SETX: variants seen among roughly 807,000 people sequenced by gnomAD.
SETX encodes the protein helicase senataxin.
In SETX, 90 loss-of-function variants were observed where a neutral mutation model predicts 227.2. That is an observed-to-expected ratio of 0.40 (90% CI 0.33 to 0.47). SETX has a LOEUF of 0.47. SETX is among the 20% of genes least tolerant of loss of function. The pLI is 0.91. For missense variants in SETX, 3,052 were observed against 3,181.5 expected (o/e 0.96, Z 0.98); for synonymous variants, 1,210 against 1,113.2 (o/e 1.09, Z -1.73).
Position 132,326,509 on chromosome 9 carries a change from C to T in SETX, c.5089G>A (p.Val1697Ile). The T allele has an allele frequency of 6.2e-7, 1 of 1,614,140 alleles. No individual in the cohort carries two copies. The highest frequency in any genetic ancestry group is 8.5e-7 in the Non-Finnish European group (1 of 1,180,032). Reference protein sequence around the residue: ...PVNILLSSQSVSDTFVKEVLK... With the variant: ...PVNILLSSQSISDTFVKEVLK... ...ACCTCTTTAACGAAGGTGTCAGAGA[C>T]AGACTGTGATGACAAAAGAATGTTT... The change falls in exon 10 of 26, where the codon GTC (valine) becomes ATC (isoleucine). Residue 1697 changes from valine (V) to isoleucine (I), a missense_variant. Val to Ile is a conservative substitution (Grantham distance 29, BLOSUM62 3). Transcript: ENST00000224140.
At chr9:132,268,581 C>A (rs975484399) in intron 25 of SETX, among the ~76,000 whole-genome samples, 9 of 151,968 alleles carry the variant, frequency 5.9e-5, no homozygotes, top group African/African-American at 2.2e-4. Flanking sequence ...AAGAGATTAC[C>A]CCAGTGAATC....
intron 25 of SETX, among the ~76,000 whole-genome samples, chr9:132,267,754 C>T (rs766040032): frequency 5.9e-5 from 9 of 152,220 alleles, no homozygotes; most frequent in African/African-American, 1.2e-4. Flanking sequence ...ACTGTCTAAA[C>T]GGAATGTGAA....
rs769895120 is a variant in SETX, at chr9:132,346,465, A to C, written c.184T>G (p.Trp62Gly). 5.6e-6 allele frequency: 9 copies of C among 1,608,154 alleles called. No individual in the cohort carries two copies. Among genetic ancestry groups the C allele is most frequent in the Non-Finnish European group, 7.7e-6 (9 of 1,175,906 alleles). ...DELPFLHEVL[W>G]ELETLRLINH... ...ATGAGACGTAAGGTTTCTAATTCCC[A>C]TAAAACCTAGAGGAAAATAAAATGG... Residue 62 changes from tryptophan to glycine, a missense_variant, in exon 4 of 26, where the codon TGG becomes GGG. Coordinates refer to ENST00000224140, the MANE Select transcript of SETX (RefSeq NM_015046.7).
In SETX at chr9:132,327,043, G is replaced by C; in HGVS notation, c.4555C>G (p.Leu1519Val). 1 of 1,614,130 alleles carries C rather than the reference G, an allele frequency of 6.2e-7. No individual in the cohort carries two copies. The highest frequency in any genetic ancestry group is 8.5e-7 in the Non-Finnish European group (1 of 1,180,032). The change falls in exon 10 of 26, where the codon CTC becomes GTC. Residue 1519 changes from leucine to valine, a missense_variant. By Grantham distance (32) the Leu-to-Val change is conservative. Coordinates refer to ENST00000224140, the MANE Select transcript of SETX (RefSeq NM_015046.7). ...CSQMENDNYK[L>V]IELIHGKDTV... ...TCTTTTCCATGAATTAGTTCAATGA[G>C]TTTATAATTGTCATTCTCCATTTGT...
chr9:132,307,273 TAAC>T (rs1845388058), intron 11 of SETX, among the ~76,000 whole-genome samples: 1 of 151,898 alleles, frequency 6.6e-6, no homozygotes, highest in Non-Finnish European at 1.5e-5. Context: ...ATAATAATAA[TAAC>T]AACAATAATA....
chr9:132,326,832 G>C lies in SETX; in HGVS notation c.4766C>G (p.Ser1589Cys). ...FRKPGLPPPA[S>C]KPLRPTTKIF... is the part of the protein sequence containing the mutation. ...CTTAGTGGTAGGTCTCAAAGGTTTAGATGCAGGAGGAGGCAAGCCAGGTTT... is the reference window on the plus strand; with the variant it reads ...CTTAGTGGTAGGTCTCAAAGGTTTACATGCAGGAGGAGGCAAGCCAGGTTT... The change falls in exon 10 of 26, where the codon TCT (serine) becomes TGT (cysteine). Residue 1589 changes from serine (S) to cysteine (C), a missense_variant. Ser to Cys is a moderately radical substitution (Grantham distance 112). Coordinates refer to ENST00000224140, the MANE Select transcript of SETX (RefSeq NM_015046.7). The C allele has an allele frequency of 6.2e-7, 1 of 1,614,218 alleles. No homozygotes were observed.
rs949905724 is a variant in SETX, at chr9:132,308,849, T to C, written c.5374+2908A>G. Among the ~76,000 whole-genome samples the C allele has an allele frequency of 2.0e-5, 3 of 152,056 alleles. No homozygotes were observed. The South Asian group carries it at 6.2e-4, about 32-fold the overall frequency. The stretch of plus-strand genomic sequence containing the variant: ...AAGAATAGCCAAAGCACTCAAAAAG[T>C]AGAGCAAGGTAGGAGGGGTGAGGCG... On this transcript the variant is annotated intron_variant, in intron 11 of 25. Coordinates refer to ENST00000224140, the MANE Select transcript of SETX (RefSeq NM_015046.7).
intron 14 of SETX, 122 bp downstream of exon 14, chr9:132,296,765 T>TA (rs1465985294): frequency 1.3e-5 from 12 of 928,122 alleles, no homozygotes; most frequent in Non-Finnish European, 1.7e-5. Context: ...ACACACAATA[T>TA]AAAAAATATA....
In SETX at chr9:132,326,629, T is replaced by C. The variant is rs1301427894; in HGVS notation, c.4969A>G (p.Asn1657Asp). The change falls in exon 10 of 26, where the codon AAT becomes GAT. Residue 1657 changes from asparagine (N) to aspartate (D), a missense_variant. Asn to Asp is a conservative substitution (Grantham distance 23). Around this residue, in one of 10 missense-constraint regions of SETX, gnomAD observed 1,483 missense variants for 1,312.0 expected, o/e 1.13. Coordinates refer to ENST00000224140, the MANE Select transcript of SETX (RefSeq NM_015046.7). The part of the protein sequence containing the change: ...KPVGEMKNSC[N>D]VLHPQSPNNS... ...TTCGGAGACTGAGGATGAAGAACATTGCACGAATTCTTCATTTCACCAACT... is the reference window on the plus strand; with the variant it reads ...TTCGGAGACTGAGGATGAAGAACATCGCACGAATTCTTCATTTCACCAACT... 1 of 1,614,224 alleles carries C rather than the reference T, an allele frequency of 6.2e-7. No individual in the cohort carries two copies. Among genetic ancestry groups the C allele is most frequent in the South Asian group, 1.1e-5 (1 of 91,092 alleles).
chr9:132,295,606 G>A (rs185897240), intron 15 of SETX, among the ~76,000 whole-genome samples: 1 of 152,318 alleles, frequency 6.6e-6, no homozygotes, highest in Non-Finnish European at 1.5e-5. Context: ...GCCTCACTGT[G>A]GAACTTATCA....
chr9:132,266,594 A>G (rs910068066), intron 25 of SETX, among the ~76,000 whole-genome samples: 7 of 152,188 alleles, frequency 4.6e-5, no homozygotes, highest in African/African-American at 1.7e-4. Context: ...CAACATGGTG[A>G]AACCCCGTCT....
At chr9:132,273,695 T>C (rs1170045858) in intron 23 of SETX, among the ~76,000 whole-genome samples, 6 of 152,238 alleles carry the variant, frequency 3.9e-5, no homozygotes, top group South Asian at 2.1e-4. Context: ...AATAGTGCCT[T>C]TGAATGGCTT....
At chr9:132,291,034 T>A (rs1589656222) in intron 15 of SETX, among the ~76,000 whole-genome samples, 1 of 151,970 alleles carries the variant, frequency 6.6e-6, no homozygotes, top group African/African-American at 2.4e-5. Flanking sequence ...GGTGGGCACA[T>A]AATAAATACA....
chr9:132,299,958 G>A (rs184499338), intron 12 of SETX, among the ~76,000 whole-genome samples: 60 of 151,840 alleles, frequency 4.0e-4, no homozygotes, highest in Admixed American at 1.6e-3. Flanking sequence ...GTGAAACCCC[G>A]TCTCCACTAA....
intron 9 of SETX, 25 bp from the exon 10 acceptor site, chr9:132,330,524 T>G: frequency 6.3e-7 from 1 of 1,596,192 alleles, no homozygotes; most frequent in Non-Finnish European, 8.6e-7. Context: ...ATGCTGATGT[T>G]CAGATAAATA....
chr9:132,296,789 G>T, intron 14 of SETX, 98 bp downstream of exon 14: 1 of 1,098,054 alleles, frequency 9.1e-7, no homozygotes. Flanking sequence ...AAATCAAAGA[G>T]GAAATGGCAT....
chr9:132,341,711 C>T (rs552839292), intron 5 of SETX, among the ~76,000 whole-genome samples: 199 of 152,264 alleles, frequency 1.3e-3, no homozygotes, highest in African/African-American at 4.4e-3. Context: ...CTTTCACAGG[C>T]AAAGAAGCAC....
At chr9:132,334,239 A>C (rs1826765659) in intron 7 of SETX, among the ~76,000 whole-genome samples, 2 of 152,244 alleles carry the variant, frequency 1.3e-5, no homozygotes, top group Admixed American at 6.5e-5. Context: ...TGAGATCAAG[A>C]GTTCAAGACC....
chr9:132,340,344 T>C (rs991400605), intron 5 of SETX, among the ~76,000 whole-genome samples: 2 of 152,240 alleles, frequency 1.3e-5, no homozygotes, highest in Non-Finnish European at 2.9e-5. Context: ...ATTTTAAATT[T>C]ACTGGACAAG....
Sources: gnomAD v4.1 joint callset for allele counts (sites outside exome capture counted in the v4.1 genomes callset) on GRCh38, gnomAD v4.1.1 for gene constraint, gnomAD v4.1.1 regional missense constraint, MANE v1.5 for transcripts, NCBI Gene and HGNC (gene_info 2026-07-23, HGNC 2026-07-21) for gene names.